Variants in RGS10 observed in about 807,000 individuals in gnomAD.
RGS10 encodes the protein regulator of G-protein signalling 10.
A neutral mutation model predicts 23.5 loss-of-function variants in RGS10; 11 were observed. The ratio of observed to expected loss-of-function variants is 0.47; its 90% CI spans 0.29 to 0.77. The LOEUF (loss-of-function observed/expected upper bound fraction) is 0.77, where lower values mean the gene tolerates loss of function less well. Among genes scored for constraint, RGS10 ranks in the 30% least tolerant of loss-of-function variants. The pLI, the probability that RGS10 is intolerant of heterozygous loss-of-function variation, is 0.08. For synonymous variants in RGS10, 77 were observed against 83.2 expected (o/e 0.92, Z 0.41); for missense variants, 180 against 226.3 (o/e 0.80, Z 1.31).
rs927682352 is a variant in RGS10 at position 119,535,029 on chromosome 10, G to A, written c.49+7561C>T. ...TTAGTATTATTTCCACTTTGCAGAC[G>A]AAGAAACTGAGGCACGGTAACTTAC... On this transcript the variant is annotated intron_variant, in intron 1 of 4. Coordinates refer to ENST00000369103, the MANE Select transcript of RGS10 (RefSeq NM_001005339.2). Among the ~76,000 whole-genome samples, 10 of 152,248 alleles carry A rather than the reference G, an allele frequency of 6.6e-5. No homozygotes were observed. The East Asian group carries it at 9.6e-4, about 15-fold the overall frequency.
intron 1 of RGS10, among the ~76,000 whole-genome samples, chr10:119,536,299 C>T (rs748567149): frequency 5.3e-5 from 8 of 152,204 alleles, no homozygotes; most frequent in Non-Finnish European, 1.2e-4. Context: ...CGTTTTCACA[C>T]GAGGGTTCGG....
Position 119,538,361 on chromosome 10 carries a change from T to C in RGS10, c.49+4229A>G, listed in dbSNP as rs1844408404. ...GCCCCTTAGTGGCCTCTGCAGCCCT[T>C]GAGGGAGAAATGAAATGGTTCCCTC... On this transcript the variant is annotated intron_variant, in intron 1 of 4. Coordinates refer to ENST00000369103, the MANE Select transcript of RGS10 (RefSeq NM_001005339.2). This position sits in a 1 kb window ranked among gnomAD's most constrained non-coding sequence, Gnocchi z 4.5. Among the ~76,000 whole-genome samples, 1 of 152,120 alleles carries C rather than the reference T, an allele frequency of 6.6e-6. No homozygotes were observed. The highest frequency in any genetic ancestry group is 1.5e-5 in the Non-Finnish European group (1 of 68,022).
intron 4 of RGS10, among the ~76,000 whole-genome samples, chr10:119,502,887 C>A (rs7902559): frequency 0.053 from 8,122 of 152,296 alleles, 268 homozygotes; most frequent in Middle Eastern, 0.075. Context: ...TGGACCCAGA[C>A]AGGCTGGAGA....
chr10:119,522,291 AG>A (rs1387257146), intron 3 of RGS10, among the ~76,000 whole-genome samples: 1 of 152,216 alleles, frequency 6.6e-6, no homozygotes, highest in East Asian at 1.9e-4. Flanking sequence ...AACAGAGGCG[AG>A]AGTGGGATTT....
chr10:119,536,609 C>T, intron 1 of RGS10: 1 of 1,043,434 alleles, frequency 9.6e-7, no homozygotes, highest in South Asian at 1.6e-5. Flanking sequence ...TCAACATCCT[C>T]TTTTAAGTGG....
intron 1 of RGS10, among the ~76,000 whole-genome samples, chr10:119,535,366 T>A (rs1027739601): frequency 5.3e-5 from 8 of 151,992 alleles, no homozygotes; most frequent in African/African-American, 1.9e-4. Flanking sequence ...TATGCTGTCC[T>A]ATGTGGCTTC....
intron 3 of RGS10, among the ~76,000 whole-genome samples, chr10:119,523,275 C>G (rs561322605): frequency 6.6e-6 from 1 of 152,340 alleles, no homozygotes; most frequent in African/African-American, 2.4e-5. Context: ...TGCCTCCACC[C>G]AATCTGCATT....
chr10:119,533,165 C>G (rs1047048751), intron 1 of RGS10, among the ~76,000 whole-genome samples: 1 of 151,646 alleles, frequency 6.6e-6, no homozygotes. Context: ...CCTGCCTGGC[C>G]AACATGGAAT....
intron 3 of RGS10, among the ~76,000 whole-genome samples, chr10:119,520,487 T>C (rs1263089510): frequency 1.3e-5 from 2 of 152,142 alleles, no homozygotes; most frequent in African/African-American, 4.8e-5. Flanking sequence ...AGCAGTCAGG[T>C]GGCTCCCCCG....
In RGS10 at chr10:119,542,627, G is replaced by C. The variant is rs1844446319; in HGVS notation, c.12C>G (p.Arg4=). The change falls in exon 1 of 5, where the codon CGC becomes CGG. Residue 4 remains arginine, a synonymous_variant. Transcript: ENST00000369103. ...GCTTCCTGCTCAGCCGGCTCACGGC[G>C]CGGTTGAACATCGCCGCGGGCGCCC... MFN[R]AVSRLSRKRP... is the part of the protein sequence containing the mutation. 1.4e-6 allele frequency: 2 copies of C among 1,420,788 alleles called. No individual in the cohort carries two copies. The highest frequency in any genetic ancestry group is 5.2e-5 in the Admixed American group (2 of 38,636). The allele number at this position is 1,420,788 out of a possible 1,614,324, so 88.0% of individuals were successfully genotyped here. A position where few individuals can be genotyped will look rare whatever the true frequency, so the allele number is the denominator to read the frequency against.
At chr10:119,531,533 A>G (rs973720176) in intron 1 of RGS10, among the ~76,000 whole-genome samples, 11 of 152,158 alleles carry the variant, frequency 7.2e-5, no homozygotes, top group Admixed American at 7.2e-4. Context: ...TTTATTTCAT[A>G]CTCTAATCAT....
At chr10:119,528,567 A>G (rs1234375138) in intron 1 of RGS10, among the ~76,000 whole-genome samples, 2 of 152,070 alleles carry the variant, frequency 1.3e-5, no homozygotes, top group Non-Finnish European at 2.9e-5. Context: ...TGCATTAAAT[A>G]TCATTTATAG....
At chr10:119,541,242 A>T (rs907722238) in intron 1 of RGS10, among the ~76,000 whole-genome samples, 1 of 152,186 alleles carries the variant, frequency 6.6e-6, no homozygotes, top group African/African-American at 2.4e-5. Flanking sequence ...TGCCAACCAT[A>T]GAGACTGGTT....
Position 119,515,755 on chromosome 10 carries a change from G to T in RGS10, c.256-103C>A, listed in dbSNP as rs143317781. The T allele has an allele frequency of 1.9e-3, 2,643 of 1,414,480 alleles. 2 individuals are homozygous for T. Among genetic ancestry groups the T allele is most frequent in the Non-Finnish European group, 2.3e-3 (2,425 of 1,041,362 alleles). The allele number at this position is 1,414,480 out of a possible 1,614,324, so 87.6% of individuals were successfully genotyped here. ...AGGCCCACAGGAGCTGCTGTGGCAA[G>T]AGAAAGGCACCCCCCACAGCCCAGG... On this transcript the variant is annotated intron_variant, in intron 3 of 4. Transcript: ENST00000369103.
rs919260410 is a variant in RGS10 at position 119,518,698 on chromosome 10, C to T, written c.256-3046G>A. ...TCTACATGGGGGTTAATGGCCTCAC[C>T]ACCCCCAATCCCTCTTTTTTTTTTT... On this transcript the variant is annotated intron_variant, in intron 3 of 4. Transcript: ENST00000369103. Among the ~76,000 whole-genome samples the T allele has an allele frequency of 4.0e-5, 6 of 149,376 alleles. No individual in the cohort carries two copies. The Admixed American group carries it at 4.0e-4, about 10-fold the overall frequency.
intron 4 of RGS10, among the ~76,000 whole-genome samples, chr10:119,513,874 G>A (rs1844107819): frequency 6.6e-6 from 1 of 152,198 alleles, no homozygotes; most frequent in Non-Finnish European, 1.5e-5. Flanking sequence ...GGTCTTTGAA[G>A]GCAGATGGAC....
At chr10:119,512,697 A>G (rs1488446460) in intron 4 of RGS10, among the ~76,000 whole-genome samples, 2 of 151,968 alleles carry the variant, frequency 1.3e-5, no homozygotes, top group Admixed American at 6.6e-5. Context: ...ATAGGCGCCC[A>G]CCACCACGCC....
chr10:119,506,478 G>C (rs1259697337), intron 4 of RGS10, among the ~76,000 whole-genome samples: 1 of 152,248 alleles, frequency 6.6e-6, no homozygotes, highest in Non-Finnish European at 1.5e-5. Flanking sequence ...TCGCTTGGAC[G>C]ATATCCCCTC....
chr10:119,515,357 T>A, intron 4 of RGS10, 152 bp downstream of exon 4: 1 of 859,710 alleles, frequency 1.2e-6, no homozygotes, highest in Non-Finnish European at 1.8e-6. Context: ...GTCCCCACTC[T>A]CCCCAACCAT....
Sources: allele counts gnomAD v4.1 joint callset (sites outside exome capture counted in the v4.1 genomes callset), GRCh38; gene constraint gnomAD v4.1.1; non-coding constraint Gnocchi (gnomAD v3.1); transcripts MANE v1.5; gene names NCBI Gene and HGNC (gene_info 2026-07-23, HGNC 2026-07-21).